The following CENPL variants were observed in gnomAD, a reference collection of about 807,000 sequenced individuals.
CENPL encodes interphase centromere complex protein 33.
CENPL carries 20 observed loss-of-function variants against 35.2 expected under a neutral mutation model. That is an observed-to-expected ratio of 0.57 (90% CI 0.40 to 0.83). The LOEUF is 0.83. Ranked by LOEUF, CENPL falls within the 40% of genes least tolerant of loss-of-function variation. CENPL has a pLI of 0.00. For synonymous variants in CENPL, 140 were observed against 140.6 expected (o/e 1.00, Z 0.03); for missense variants, 363 against 395.8 (o/e 0.92, Z 0.70).
intron 4 of CENPL, among the ~76,000 whole-genome samples, chr1:173,805,789 A>T (rs183255662): frequency 1.6e-4 from 25 of 152,286 alleles, no homozygotes; most frequent in Admixed American, 9.2e-4. Flanking sequence ...AGCCTAGATT[A>T]TTAATGATTT....
intron 4 of CENPL, among the ~76,000 whole-genome samples, chr1:173,805,529 C>T (rs1462380679): frequency 1.3e-5 from 2 of 149,726 alleles, no homozygotes; most frequent in Non-Finnish European, 3.0e-5. Context: ...AAAAAAAAGT[C>T]TCTTTAGTTA....
chr1:173,811,569 C>T (rs1346929735), intron 2 of CENPL, among the ~76,000 whole-genome samples: 2 of 152,178 alleles, frequency 1.3e-5, no homozygotes, highest in African/African-American at 4.8e-5. Flanking sequence ...CTAACTGATC[C>T]ATTTTCAAAT....
chr1:173,801,099 T>C (rs1286670942), intron 5 of CENPL, among the ~76,000 whole-genome samples: 1 of 152,236 alleles, frequency 6.6e-6, no homozygotes, highest in African/African-American at 2.4e-5. Flanking sequence ...TTATAGAGTA[T>C]TGACTTATTG....
At chr1:173,816,038 C>A (rs1171424623) in intron 2 of CENPL, among the ~76,000 whole-genome samples, 1 of 152,072 alleles carries the variant, frequency 6.6e-6, no homozygotes, top group Non-Finnish European at 1.5e-5. Context: ...TCCTATACAC[C>A]AATAACAGAC....
Position 173,803,385 on chromosome 1 carries a change from G to A in CENPL, c.541C>T (p.Leu181=). 1 of 1,614,084 alleles carries A rather than the reference G, an allele frequency of 6.2e-7. No individual in the cohort carries two copies. Among genetic ancestry groups the A allele is most frequent in the Non-Finnish European group, 8.5e-7 (1 of 1,179,948 alleles). Residue 181 remains leucine, a synonymous_variant, in exon 5 of 6, where the codon CTG becomes TTG. Transcript: ENST00000682279. ...GCTCCATTTGCAAGGAATAAGGGCA[G>A]ACAGGTGAAATCTTCTGAAACAGTC... ...LETVSEDFTC[L]PLFLANGAES... is the part of the protein sequence containing the mutation.
At chr1:173,805,217 C>T (rs1650104519) in intron 4 of CENPL, among the ~76,000 whole-genome samples, 1 of 152,130 alleles carries the variant, frequency 6.6e-6, no homozygotes, top group South Asian at 2.1e-4. Flanking sequence ...TTTCCTCCCA[C>T]AATAAAACAG....
At chr1:173,813,272 C>T (rs1455114349) in intron 2 of CENPL, among the ~76,000 whole-genome samples, 3 of 152,192 alleles carry the variant, frequency 2.0e-5, no homozygotes, top group African/African-American at 4.8e-5. Context: ...TCCAGGAGAA[C>T]TTCCCCAACC....
chr1:173,822,068 G>T lies in CENPL; in HGVS notation c.-8+1858C>A, dbSNP rs1652006271. 2.0e-5 allele frequency: 3 copies of T among 152,144 alleles called. No homozygotes were observed. In the South Asian group the frequency reaches 6.2e-4, roughly 31 times the overall value. 9.4% of individuals were successfully genotyped at this position (152,144 alleles called of 1,614,324 possible). ...AGTATTTCTAACATTAAAAATTTGT[G>T]TTTAAATCCAATTCGTCTCATTCCT... On this transcript the variant is annotated intron_variant, in intron 2 of 5. Transcript: ENST00000682279.
At position 173,811,303 on chromosome 1, in the gene CENPL, C is replaced by G; in HGVS notation, c.-4G>C. On this transcript the variant is annotated 5_prime_UTR_variant, in exon 3 of 6. Coordinates refer to ENST00000682279, the MANE Select transcript of CENPL (RefSeq NM_001387287.1). ...CTGGTGCACTGTAAGAATCCATGGT[C>G]TGTCTGCATAAGAAGAAACAAAACC... 1.3e-6 allele frequency: 2 copies of G among 1,591,018 alleles called. No homozygotes were observed. The highest frequency in any genetic ancestry group is 1.7e-6 in the Non-Finnish European group (2 of 1,163,300).
At chr1:173,819,751 G>T (rs1011306648) in intron 2 of CENPL, among the ~76,000 whole-genome samples, 1 of 152,050 alleles carries the variant, frequency 6.6e-6, no homozygotes, top group Non-Finnish European at 1.5e-5. Context: ...GAGTGCAATG[G>T]CGCGATCTCG....
Position 173,803,052 on chromosome 1 carries a change from G to A in CENPL, c.874C>T (p.His292Tyr). 1 of 1,613,590 alleles carries A rather than the reference G, an allele frequency of 6.2e-7. No individual in the cohort carries two copies. The highest frequency in any genetic ancestry group is 8.5e-7 in the Non-Finnish European group (1 of 1,179,476). The change falls in exon 5 of 6, where the codon CAT becomes TAT. Residue 292 changes from histidine (H) to tyrosine (Y), a missense_variant. By Grantham distance (83) the His-to-Tyr change is moderately conservative. Transcript: ENST00000682279. ...GATAAATGAATTTTGAAATGTCTAT[G>A]GAAATGTGAATAAAGGCAATCCATG... ...LFMDCLYSHFHRHFKIHLSAT... is the reference protein window; with the variant it reads ...LFMDCLYSHFYRHFKIHLSAT...
intron 2 of CENPL, among the ~76,000 whole-genome samples, chr1:173,816,689 T>C (rs1396198651): frequency 6.6e-6 from 1 of 152,120 alleles, no homozygotes; most frequent in African/African-American, 2.4e-5. Flanking sequence ...TAATTCAAGA[T>C]GGATTAAAGA....
chr1:173,812,112 G>T (rs1241864210), intron 2 of CENPL, among the ~76,000 whole-genome samples: 1 of 152,264 alleles, frequency 6.6e-6, no homozygotes, highest in Admixed American at 6.5e-5. Flanking sequence ...CCTCGTGGTG[G>T]GGAGGGGCGT....
intron 2 of CENPL, among the ~76,000 whole-genome samples, chr1:173,816,369 T>C (rs1237691671): frequency 1.3e-5 from 2 of 152,184 alleles, no homozygotes; most frequent in African/African-American, 2.4e-5. Context: ...AGAGCCCACA[T>C]TGCCAAGACA....
chr1:173,810,163 T>C (rs1650667665), intron 3 of CENPL, among the ~76,000 whole-genome samples: 1 of 152,144 alleles, frequency 6.6e-6, no homozygotes, highest in Admixed American at 6.5e-5. Flanking sequence ...ATATACACCA[T>C]GGAATATTAT....
intron 2 of CENPL, among the ~76,000 whole-genome samples, chr1:173,817,625 T>C (rs1272762823): frequency 6.6e-6 from 1 of 152,208 alleles, no homozygotes; most frequent in East Asian, 1.9e-4. Flanking sequence ...GAACTAGAAA[T>C]ACCATTTGAC....
chr1:173,807,551 A>C (rs201764247), intron 3 of CENPL, 33 bp from the exon 4 acceptor site: 116 of 1,440,348 alleles, frequency 8.1e-5, no homozygotes, highest in Non-Finnish European at 1.0e-4. Flanking sequence ...AAGAAGTTTA[A>C]GAATTAGGAA....
At chr1:173,809,365 GATC>G (rs1225276839) in intron 3 of CENPL, among the ~76,000 whole-genome samples, 1 of 151,660 alleles carries the variant, frequency 6.6e-6, no homozygotes, top group Non-Finnish European at 1.5e-5. Flanking sequence ...GGGGAGGGTT[GATC>G]ACCTGAGGTC....
intron 4 of CENPL, among the ~76,000 whole-genome samples, 169 bp from the exon 5 acceptor site, chr1:173,803,674 G>C (rs1191931034): frequency 7.0e-6 from 1 of 143,506 alleles, no homozygotes; most frequent in Non-Finnish European, 1.6e-5. Context: ...CAAAATAATT[G>C]GCCTTTTTTT....
Sources: gnomAD v4.1 joint callset for allele counts (sites outside exome capture counted in the v4.1 genomes callset) on GRCh38, gnomAD v4.1.1 for gene constraint, MANE v1.5 for transcripts, NCBI Gene and HGNC (gene_info 2026-07-23, HGNC 2026-07-21) for gene names.